The following HIPK2 variants were observed in gnomAD, a reference collection of about 807,000 sequenced individuals.
The protein encoded by HIPK2 is homeodomain-interacting protein kinase 2.
A neutral mutation model predicts 113.7 loss-of-function variants in HIPK2; 27 were observed. That is an observed-to-expected ratio of 0.24 (90% confidence interval 0.17 to 0.33). HIPK2 has a LOEUF of 0.33. HIPK2 is among the 10% of genes least tolerant of loss of function. The pLI is 1.00. For missense variants in HIPK2, 1,257 were observed against 1,588.0 expected, an observed-to-expected ratio of 0.79 and a Z score of 3.54; for synonymous variants, 631 against 642.2, an observed-to-expected ratio of 0.98 and a Z score of 0.26.
At chr7:139,704,621 A>C (rs1794836070) in intron 2 of HIPK2, among the ~76,000 whole-genome samples, 1 of 152,068 alleles carries the variant, frequency 6.6e-6, no homozygotes, top group Admixed American at 6.5e-5. Context: ...CACCCAACAC[A>C]CACCCCATAC....
At chr7:139,578,443 G>C (rs1407815714) in intron 13 of HIPK2, among the ~76,000 whole-genome samples, 2 of 152,068 alleles carry the variant, frequency 1.3e-5, no homozygotes, top group African/African-American at 4.8e-5. Flanking sequence ...ACTGTGCCCA[G>C]CCATGGTACT....
chr7:139,691,456 C>T (rs755598770), intron 2 of HIPK2, among the ~76,000 whole-genome samples: 5 of 152,246 alleles, frequency 3.3e-5, no homozygotes, highest in African/African-American at 4.8e-5. Flanking sequence ...TTAAGTCTTG[C>T]TCTTTTGCAA....
intron 13 of HIPK2, among the ~76,000 whole-genome samples, chr7:139,575,600 T>G (rs1043047455): frequency 3.3e-5 from 5 of 152,234 alleles, no homozygotes; most frequent in Non-Finnish European, 5.9e-5. Flanking sequence ...GCCGTTCCTC[T>G]GGGAGGTGTT....
chr7:139,586,559 G>A (rs1585240781), intron 12 of HIPK2, among the ~76,000 whole-genome samples: 2 of 151,772 alleles, frequency 1.3e-5, no homozygotes, highest in East Asian at 3.9e-4. Context: ...GCTTGAGGCT[G>A]GGGGTTCAAG....
At chr7:139,575,045 GC>G in intron 14 of HIPK2, 82 bp downstream of exon 14, 3 of 1,469,324 alleles carry the variant, frequency 2.0e-6, no homozygotes, top group Non-Finnish European at 2.7e-6. Context: ...TGGGTGAGGG[GC>G]CGCCACAGCA....
At chr7:139,766,643 C>G (rs1361461178) in intron 1 of HIPK2, among the ~76,000 whole-genome samples, 1 of 152,168 alleles carries the variant, frequency 6.6e-6, no homozygotes, top group African/African-American at 2.4e-5. Flanking sequence ...GGTGGCCTGC[C>G]AGTGAAGATA....
At chr7:139,610,460 C>T (rs995097093) in intron 9 of HIPK2, among the ~76,000 whole-genome samples, 2 of 152,178 alleles carry the variant, frequency 1.3e-5, no homozygotes, top group Middle Eastern at 3.4e-3. Flanking sequence ...CTGAACTCCC[C>T]GCTACTGAAC....
At chr7:139,767,685 A>T (rs1443121787) in intron 1 of HIPK2, among the ~76,000 whole-genome samples, 1 of 152,276 alleles carries the variant, frequency 6.6e-6, no homozygotes, top group Non-Finnish European at 1.5e-5. Flanking sequence ...GCTTTGCTTT[A>T]GGAAGCAATC....
At chr7:139,768,151 G>A (rs562155723) in intron 1 of HIPK2, among the ~76,000 whole-genome samples, 1 of 152,326 alleles carries the variant, frequency 6.6e-6, no homozygotes, top group South Asian at 2.1e-4. Context: ...GAATTGGGTG[G>A]ATGGCAGACT....
intron 1 of HIPK2, among the ~76,000 whole-genome samples, chr7:139,769,353 C>CTCCAT (rs1203472472): frequency 2.0e-5 from 3 of 151,592 alleles, no homozygotes; most frequent in Admixed American, 6.6e-5. Flanking sequence ...CATGGCCCAC[C>CTCCAT]CCTGGCTGTC....
At chr7:139,607,510 A>T (rs1260168940) in intron 9 of HIPK2, among the ~76,000 whole-genome samples, 1 of 152,168 alleles carries the variant, frequency 6.6e-6, no homozygotes, top group Non-Finnish European at 1.5e-5. Context: ...AAACATACAA[A>T]CCTTTTATAG....
At chr7:139,744,255 G>A (rs1569484084) in intron 1 of HIPK2, among the ~76,000 whole-genome samples, 3 of 152,188 alleles carry the variant, frequency 2.0e-5, no homozygotes, top group Non-Finnish European at 4.4e-5. Flanking sequence ...ATGAAGAACC[G>A]ATACCTGCTA....
chr7:139,698,291 T>C (rs1311689934), intron 2 of HIPK2, among the ~76,000 whole-genome samples: 1 of 152,252 alleles, frequency 6.6e-6, no homozygotes, highest in African/African-American at 2.4e-5. Context: ...CAGTACATTT[T>C]TCCTTTTCGT....
chr7:139,572,826 A>G lies in HIPK2; in HGVS notation c.*101T>C, dbSNP rs971514856. The G allele has an allele frequency of 1.3e-6, 1 of 749,232 alleles. No homozygotes were observed. The highest frequency in any genetic ancestry group is 2.1e-5 in the African/African-American group (1 of 48,722). The allele number at this position is 749,232 out of a possible 1,614,324, so 46.4% of individuals were successfully genotyped here. A position where few individuals can be genotyped will look rare whatever the true frequency, so the allele number is the denominator to read the frequency against. ...TGTTTGTGTGCGGCATCTTCAGTAT[A>G]AAAGGCCAGCGCCCACGGTCCCAGG... is the stretch of plus-strand genomic sequence containing the variant. On this transcript the variant is annotated 3_prime_UTR_variant, in exon 15 of 15. Transcript: ENST00000406875.
Position 139,631,602 on chromosome 7 carries a change from C to T in HIPK2, c.1227G>A (p.Gln409=). 2 of 1,613,856 alleles carry T rather than the reference C, an allele frequency of 1.2e-6. No homozygotes were observed. Among genetic ancestry groups the T allele is most frequent in the Non-Finnish European group, 1.7e-6 (2 of 1,179,828 alleles). ...GAATATCTGTGTCATCTGGACCCACCTGATCATACTCCGAAGCTCCTGGAT... is the reference window on the plus strand; with the variant it reads ...GAATATCTGTGTCATCTGGACCCACTTGATCATACTCCGAAGCTCCTGGAT... The part of the protein sequence containing the change: ...PLYPGASEYD[Q]IRYISQTQGL... The change falls in exon 3 of 15, where the codon CAG becomes CAA. Residue 409 remains glutamine (Q), a splice_region_variant and synonymous_variant. Coordinates refer to ENST00000406875, the MANE Select transcript of HIPK2 (RefSeq NM_022740.5). The surrounding 1 kb of genome is among the most constrained non-coding windows in gnomAD (Gnocchi z 4.9).
At chr7:139,592,702 G>C (rs954211527) in intron 12 of HIPK2, among the ~76,000 whole-genome samples, 2 of 152,246 alleles carry the variant, frequency 1.3e-5, no homozygotes, top group African/African-American at 2.4e-5. Flanking sequence ...GATCAAGAGA[G>C]TCCAGGAGAG....
intron 13 of HIPK2, among the ~76,000 whole-genome samples, chr7:139,583,286 G>A (rs1219441538): frequency 6.6e-6 from 1 of 151,982 alleles, no homozygotes; most frequent in Admixed American, 6.5e-5. Context: ...GGGACAGGAG[G>A]AGTCCTCTGA....
At chr7:139,651,001 T>C (rs867706918) in intron 2 of HIPK2, among the ~76,000 whole-genome samples, 4 of 152,362 alleles carry the variant, frequency 2.6e-5, no homozygotes, top group East Asian at 1.9e-4. Flanking sequence ...ATAATGTTTA[T>C]TGTGTCAGCC....
Position 139,600,609 on chromosome 7 carries a change from C to T in HIPK2, c.2256-13G>A. ...AGCATGCGTATTTCTGAAAGGCAAC[C>T]GGGACAACAAGGTGCCTTAGAGGTG... On this transcript the variant is annotated splice_polypyrimidine_tract_variant and intron_variant, in intron 10 of 14. Coordinates refer to ENST00000406875, the MANE Select transcript of HIPK2 (RefSeq NM_022740.5). 3.1e-6 allele frequency: 5 copies of T among 1,612,826 alleles called. No individual in the cohort carries two copies. The highest frequency in any genetic ancestry group is 4.2e-6 in the Non-Finnish European group (5 of 1,179,100).
Sources: gnomAD v4.1 joint callset for allele counts (sites outside exome capture counted in the v4.1 genomes callset) on GRCh38, gnomAD v4.1.1 for gene constraint, Gnocchi (gnomAD v3.1) non-coding constraint, MANE v1.5 for transcripts, NCBI Gene and HGNC (gene_info 2026-07-23, HGNC 2026-07-21) for gene names.